The following GATA3 variants were observed in gnomAD, a reference collection of about 807,000 sequenced individuals.
GATA3 encodes trans-acting T-cell-specific transcription factor GATA-3.
GATA3 carries 6 observed loss-of-function variants against 36.0 expected under a neutral mutation model. The ratio of observed to expected loss-of-function variants is 0.17; its 90% CI spans 0.09 to 0.33. The LOEUF (loss-of-function observed/expected upper bound fraction) is 0.33. Among genes scored for constraint, GATA3 ranks in the 10% least tolerant of loss-of-function variants. The pLI, the probability that GATA3 is intolerant of heterozygous loss-of-function variation, is 1.00. For synonymous variants in GATA3, 326 were observed against 273.0 expected (o/e 1.19, Z -1.92); for missense variants, 514 against 610.1 (o/e 0.84, Z 1.66).
rs28395795 is a variant in GATA3 at position 8,059,069 on chromosome 10, A to G, written c.778+228A>G. Among the ~76,000 whole-genome samples, 2,456 of 152,164 alleles carry G rather than the reference A, an allele frequency of 0.016. 29 individuals are homozygous for G. The highest frequency in any genetic ancestry group is 0.025 in the Non-Finnish European group (1,670 of 67,984). ...GTGGGATCTGATTTAAAACCCCCCAATGAGCTGGGATAGGAAAAAAGACAA... is the reference window on the plus strand; with the variant it reads ...GTGGGATCTGATTTAAAACCCCCCAGTGAGCTGGGATAGGAAAAAAGACAA... On this transcript the variant is annotated intron_variant, in intron 3 of 5. Coordinates refer to ENST00000379328, the MANE Select transcript of GATA3 (RefSeq NM_001002295.2).
At chr10:8,048,744 C>A (rs933923426), upstream of GATA3, among the ~76,000 whole-genome samples, 1 of 152,264 alleles carries the variant, frequency 6.6e-6, no homozygotes, top group Non-Finnish European at 1.5e-5. Flanking sequence ...GGGGCTCCCC[C>A]CAACTGCCAC....
At chr10:8,071,349 T>C (rs1189382324) in intron 5 of GATA3, among the ~76,000 whole-genome samples, 5 of 152,170 alleles carry the variant, frequency 3.3e-5, no homozygotes, top group African/African-American at 1.2e-4. Context: ...TTTTAGAGTA[T>C]AACAAAATTG....
upstream of GATA3, chr10:8,053,140 T>C: frequency 6.6e-6 from 1 of 152,172 alleles, no homozygotes; most frequent in East Asian, 1.9e-4. The surrounding 1 kb of genome is among the most constrained non-coding windows in gnomAD (Gnocchi z 5.1). Flanking sequence ...AAGTTGAATA[T>C]TGTTGTTGTT....
rs1832606257 is a variant in GATA3, at chr10:8,055,248, T to A, written c.-369-39T>A. 3.0e-6 allele frequency: 1 copy of A among 335,314 alleles called. No individual in the cohort carries two copies. Among genetic ancestry groups the A allele is most frequent in the South Asian group, 4.0e-5 (1 of 25,216 alleles). 20.8% of individuals were successfully genotyped at this position (335,314 alleles called of 1,614,324 possible). On this transcript the variant is annotated intron_variant, in intron 1 of 5. Transcript: ENST00000379328. The surrounding 1 kb of genome is among the most constrained non-coding windows in gnomAD (Gnocchi z 5.4). ...GGGGAGGTTGTGCCACTCCAGCAAC[T>A]CAGGGGCTCATCCAGGTCTCCCATT...
At chr10:8,048,433 T>C (rs693878) in intron 1 of GATA3, among the ~76,000 whole-genome samples, 8,333 of 152,234 alleles carry the variant, frequency 0.055, 762 homozygotes, top group African/African-American at 0.19. Flanking sequence ...CTGGGTGCTA[T>C]AGCGGTGTGG....
intron 4 of GATA3, among the ~76,000 whole-genome samples, chr10:8,069,063 G>A (rs1353223313): frequency 6.6e-6 from 1 of 152,210 alleles, no homozygotes; most frequent in Non-Finnish European, 1.5e-5. Context: ...AACCTCTTGT[G>A]GCCCTGGACT....
At chr10:8,062,208 C>T (rs766633694) in intron 3 of GATA3, among the ~76,000 whole-genome samples, 12 of 152,088 alleles carry the variant, frequency 7.9e-5, no homozygotes, top group African/African-American at 1.7e-4. Context: ...TGAGAAGAGC[C>T]GTTGGGTACT....
At chr10:8,061,066 GCT>G (rs111353803) in intron 3 of GATA3, among the ~76,000 whole-genome samples, 20 of 148,898 alleles carry the variant, frequency 1.3e-4, no homozygotes, top group Admixed American at 1.3e-4. Context: ...TTTAGTGGTT[GCT>G]CTCTCTCTCT....
chr10:8,061,980 G>A lies in GATA3; in HGVS notation c.779-2013G>A, dbSNP rs1194197218. ...TGGGCCTGCAGTCCTAGCTGGGACA[G>A]GGCCAGTGCTGCCCCAGAAGGGGCT... On this transcript the variant is annotated intron_variant, in intron 3 of 5. Coordinates refer to ENST00000379328, the MANE Select transcript of GATA3 (RefSeq NM_001002295.2). Among the ~76,000 whole-genome samples the A allele has an allele frequency of 3.3e-5, 5 of 152,248 alleles. No individual in the cohort carries two copies. In the East Asian group the frequency reaches 7.7e-4, roughly 23 times the overall value.
intron 3 of GATA3, among the ~76,000 whole-genome samples, chr10:8,059,155 C>T (rs920575113): frequency 1.3e-5 from 2 of 152,198 alleles, no homozygotes; most frequent in African/African-American, 4.8e-5. Flanking sequence ...GGCTGGTAAC[C>T]TTTAGTCAGT....
Position 8,064,851 on chromosome 10 carries a change from T to G in GATA3, c.924+713T>G, listed in dbSNP as rs1303647623. Reference sequence around the variant, plus strand: ...TACTACCAGTAAGGTGATAGTTTTTTCTCTCCTCTCTCATTATTCTTTTAA... The same window carrying G: ...TACTACCAGTAAGGTGATAGTTTTTGCTCTCCTCTCTCATTATTCTTTTAA... On this transcript the variant is annotated intron_variant, in intron 4 of 5. Coordinates refer to ENST00000379328, the MANE Select transcript of GATA3 (RefSeq NM_001002295.2). Among the ~76,000 whole-genome samples the G allele has an allele frequency of 3.9e-5, 6 of 152,258 alleles. No homozygotes were observed. The East Asian group carries it at 1.2e-3, about 29-fold the overall frequency.
rs1037226925 is a variant in GATA3 at position 8,055,703 on chromosome 10, C to A, written c.48C>A (p.Pro16=). Residue 16 remains proline, a synonymous_variant, in exon 2 of 6, where the codon CCC becomes CCA. Transcript: ENST00000379328. The surrounding 1 kb of genome is among the most constrained non-coding windows in gnomAD (Gnocchi z 5.4). The part of the protein sequence containing the change: ...DQPRWVSHHH[P]AVLNGQHPDT... ...CGCGCTGGGTGAGCCACCACCACCC[C>A]GCCGTGCTCAACGGGCAGCACCCGG... 6.4e-7 allele frequency: 1 copy of A among 1,562,370 alleles called. No homozygotes were observed. The highest frequency in any genetic ancestry group is 8.7e-7 in the Non-Finnish European group (1 of 1,153,634).
intron 4 of GATA3, among the ~76,000 whole-genome samples, chr10:8,066,973 T>A (rs1005920057): frequency 6.6e-6 from 1 of 152,096 alleles, no homozygotes; most frequent in African/African-American, 2.4e-5. Flanking sequence ...ACATTCAGAA[T>A]TGCTGGGCTA....
At chr10:8,048,558 G>A (rs1325603921) in intron 1 of GATA3, among the ~76,000 whole-genome samples, 5 of 152,194 alleles carry the variant, frequency 3.3e-5, no homozygotes. Context: ...GGGAGACCCA[G>A]GGACGCCGGC....
At chr10:8,050,125 C>A (rs1344950466), upstream of GATA3, among the ~76,000 whole-genome samples, 1 of 152,236 alleles carries the variant, frequency 6.6e-6, no homozygotes, top group Non-Finnish European at 1.5e-5. Context: ...AAGAAGCCGG[C>A]GCCTCCCCAA....
chr10:8,063,844 G>A, intron 3 of GATA3, 149 bp from the exon 4 acceptor site: 1 of 1,062,094 alleles, frequency 9.4e-7, no homozygotes, highest in East Asian at 2.5e-5. Flanking sequence ...GGAGCATCTT[G>A]GAAAGAGGTG....
chr10:8,068,602 A>G (rs1037425746), intron 4 of GATA3, among the ~76,000 whole-genome samples: 7 of 152,188 alleles, frequency 4.6e-5, no homozygotes, highest in African/African-American at 1.7e-4. Flanking sequence ...AAATAGAAAA[A>G]TTAGCCGGGC....
chr10:8,065,978 A>G (rs896666925), intron 4 of GATA3, among the ~76,000 whole-genome samples: 8 of 147,616 alleles, frequency 5.4e-5, no homozygotes, highest in African/African-American at 2.0e-4. Context: ...AAAAAAAAAA[A>G]AAAGAGAGAG....
In GATA3 at chr10:8,055,793, G is replaced by A. The variant is rs1180902449; in HGVS notation, c.138G>A (p.Glu46=). The A allele has an allele frequency of 6.3e-7, 1 of 1,593,428 alleles. No individual in the cohort carries two copies. The highest frequency in any genetic ancestry group is 1.3e-5 in the African/African-American group (1 of 74,538). The change falls in exon 2 of 6, where the codon GAG becomes GAA. Residue 46 remains glutamate, a synonymous_variant. Coordinates refer to ENST00000379328, the MANE Select transcript of GATA3 (RefSeq NM_001002295.2). The surrounding 1 kb of genome is among the most constrained non-coding windows in gnomAD (Gnocchi z 5.4). ...MDAAQYPLPE[E]VDVLFNIDGQ... is the part of the protein sequence containing the mutation. ...CGGCGCAGTACCCGCTGCCGGAGGA[G>A]GTGGATGTGCTTTTTAACATCGACG... is the stretch of plus-strand genomic sequence containing the variant.
Sources: allele counts gnomAD v4.1 joint callset (sites outside exome capture counted in the v4.1 genomes callset), GRCh38; gene constraint gnomAD v4.1.1; non-coding constraint Gnocchi (gnomAD v3.1); transcripts MANE v1.5; gene names NCBI Gene and HGNC (gene_info 2026-07-23, HGNC 2026-07-21).